NFX1: variants seen among roughly 807,000 people sequenced by gnomAD.
The protein encoded by NFX1 is transcriptional repressor NF-X1.
Under a neutral mutation model 137.2 loss-of-function variants are expected in NFX1, and 69 were observed. The observed-to-expected ratio is 0.50, with a 90% CI of 0.41 to 0.61. The LOEUF (loss-of-function observed/expected upper bound fraction) is 0.61, where lower values mean the gene tolerates loss of function less well. NFX1 is among the 20% of genes least tolerant of loss of function. NFX1 has a pLI of 0.00. For missense variants in NFX1, 1,167 were observed against 1,391.0 expected (o/e 0.84, Z 2.56); for synonymous variants, 495 against 474.1 (o/e 1.04, Z -0.57).
chr9:33,360,167 C>T (rs1205816994), intron 19 of NFX1, among the ~76,000 whole-genome samples: 2 of 152,184 alleles, frequency 1.3e-5, no homozygotes, highest in Non-Finnish European at 2.9e-5. Context: ...GGTCTCCAAA[C>T]ATGGAAATGT....
intron 14 of NFX1, among the ~76,000 whole-genome samples, chr9:33,346,138 C>G (rs938721144): frequency 2.0e-5 from 3 of 152,174 alleles, no homozygotes; most frequent in Admixed American, 2.0e-4. Flanking sequence ...GCCCTCCCAG[C>G]GTAGTTTGCA....
chr9:33,299,649 C>T (rs1417159671), intron 2 of NFX1, among the ~76,000 whole-genome samples: 1 of 152,178 alleles, frequency 6.6e-6, no homozygotes, highest in Non-Finnish European at 1.5e-5. Context: ...GATCATGCCA[C>T]TGCACTCGAG....
rs778709362 is a variant in NFX1 at position 33,294,420 on chromosome 9, G to A, written c.26G>A (p.Gly9Asp). Residue 9 changes from glycine to aspartate, a missense_variant and splice_region_variant, in exon 2 of 24, where the codon GGT becomes GAT. By Grantham distance (94) the Gly-to-Asp change is moderately conservative. Transcript: ENST00000379540. ...GGCATGTCTATTTTTTATGTCCTAGGTACTTTTAAATTCAATACAGATGCT... is the reference window on the plus strand; with the variant it reads ...GGCATGTCTATTTTTTATGTCCTAGATACTTTTAAATTCAATACAGATGCT... Reference protein sequence around the residue: MAEAPPVSGTFKFNTDAAE... With the variant: MAEAPPVSDTFKFNTDAAE... The A allele has an allele frequency of 5.1e-6, 8 of 1,554,810 alleles. No individual in the cohort carries two copies. Among genetic ancestry groups the A allele is most frequent in the Non-Finnish European group, 6.9e-6 (8 of 1,154,798 alleles).
At chr9:33,294,295 C>A in intron 1 of NFX1, 125 bp from the exon 2 acceptor site, 1 of 869,748 alleles carries the variant, frequency 1.1e-6, no homozygotes, top group Non-Finnish European at 1.8e-6. Context: ...AAACATAGTT[C>A]TTACTTAACA....
At chr9:33,337,359 G>A (rs1167180963) in intron 11 of NFX1, among the ~76,000 whole-genome samples, 2 of 152,076 alleles carry the variant, frequency 1.3e-5, no homozygotes, top group Admixed American at 1.3e-4. Flanking sequence ...GTGTGCATAG[G>A]TTATATGCAA....
intron 7 of NFX1, among the ~76,000 whole-genome samples, chr9:33,315,977 G>T (rs74566916): frequency 6.6e-6 from 1 of 152,014 alleles, no homozygotes; most frequent in African/African-American, 2.4e-5. Flanking sequence ...GAAACTCGGT[G>T]TTCTTTGAGT....
chr9:33,298,603 C>A (rs1564100926), intron 2 of NFX1, among the ~76,000 whole-genome samples: 1 of 152,116 alleles, frequency 6.6e-6, no homozygotes. Context: ...CTTAATGAGA[C>A]CCCATCTCTG....
chr9:33,304,927 G>A (rs958395517), intron 4 of NFX1, among the ~76,000 whole-genome samples: 2 of 152,140 alleles, frequency 1.3e-5, no homozygotes, highest in Non-Finnish European at 2.9e-5. Context: ...GCCTCTACTG[G>A]CAAATTAGAT....
chr9:33,299,277 A>G (rs1159536441), intron 2 of NFX1, among the ~76,000 whole-genome samples: 8 of 152,222 alleles, frequency 5.3e-5, no homozygotes, highest in Admixed American at 4.6e-4. Context: ...GACCCAATCC[A>G]GGATACCACG....
Position 33,294,747 on chromosome 9 carries a change from T to G in NFX1, c.353T>G (p.Val118Gly), listed in dbSNP as rs751559126. The G allele has an allele frequency of 1.2e-5, 20 of 1,613,672 alleles. No homozygotes were observed. Among genetic ancestry groups the G allele is most frequent in the Non-Finnish European group, 1.6e-5 (19 of 1,179,944 alleles). ...AGGAATGAGAAGCACCATATCAGAG[T>G]CAAGAAAGCACAGAGTCTTGCTGAG... is the stretch of plus-strand genomic sequence containing the variant. Reference protein sequence around the residue: ...KLRNEKHHIRVKKAQSLAEQT... With the variant: ...KLRNEKHHIRGKKAQSLAEQT... Residue 118 changes from valine (V) to glycine (G), a missense_variant, in exon 2 of 24, where the codon GTC becomes GGC. Transcript: ENST00000379540.
intron 2 of NFX1, among the ~76,000 whole-genome samples, chr9:33,295,740 T>C (rs1469231922): frequency 6.6e-6 from 1 of 151,858 alleles, no homozygotes. Flanking sequence ...AAGATTTTTT[T>C]TGAGTTGTGA....
chr9:33,308,752 C>T (rs1821853270), intron 5 of NFX1, among the ~76,000 whole-genome samples: 1 of 152,078 alleles, frequency 6.6e-6, no homozygotes, highest in Non-Finnish European at 1.5e-5. Context: ...GGCAAGTGAT[C>T]AAAAAATGAC....
chr9:33,338,478 G>A (rs539122106), intron 11 of NFX1, 32 bp from the exon 12 acceptor site: 1 of 1,402,176 alleles, frequency 7.1e-7, no homozygotes, highest in East Asian at 2.6e-5. Context: ...CCTTTGTCTG[G>A]TTTTTTTTTT....
At chr9:33,328,196 T>C (rs545954315) in intron 9 of NFX1, among the ~76,000 whole-genome samples, 3 of 151,350 alleles carry the variant, frequency 2.0e-5, no homozygotes, top group African/African-American at 7.3e-5. Flanking sequence ...TTTTGTGCTT[T>C]TTTTTTTTTT....
chr9:33,315,325 CT>C (rs1822118856), intron 7 of NFX1, among the ~76,000 whole-genome samples: 1 of 152,134 alleles, frequency 6.6e-6, no homozygotes, highest in Non-Finnish European at 1.5e-5. Context: ...TACCCAGTCG[CT>C]GATTAAACAG....
chr9:33,357,824 C>A (rs1010108486), intron 19 of NFX1, among the ~76,000 whole-genome samples: 1 of 151,850 alleles, frequency 6.6e-6, no homozygotes, highest in South Asian at 2.1e-4. Context: ...GGATTATAAG[C>A]ATGAGTTACT....
intron 15 of NFX1, among the ~76,000 whole-genome samples, chr9:33,349,594 A>G (rs375693406): frequency 6.6e-6 from 1 of 151,952 alleles, no homozygotes; most frequent in African/African-American, 2.4e-5. Context: ...AGGGTTCAAG[A>G]CTAGCCTTTG....
At chr9:33,350,765 A>C (rs1347640350) in intron 15 of NFX1, among the ~76,000 whole-genome samples, 2 of 152,238 alleles carry the variant, frequency 1.3e-5, no homozygotes, top group Non-Finnish European at 2.9e-5. Flanking sequence ...CTAAGGCAAG[A>C]GGCTCACTTG....
intron 2 of NFX1, among the ~76,000 whole-genome samples, chr9:33,298,060 T>A (rs774281204): frequency 1.1e-4 from 16 of 152,192 alleles, no homozygotes; most frequent in Non-Finnish European, 2.1e-4. Flanking sequence ...CTGTTCTAGG[T>A]ACAGGGAATG....
Sources: gnomAD v4.1 joint callset for allele counts (sites outside exome capture counted in the v4.1 genomes callset) on GRCh38, gnomAD v4.1.1 for gene constraint, MANE v1.5 for transcripts, NCBI Gene and HGNC (gene_info 2026-07-23, HGNC 2026-07-21) for gene names.